IKBKE: variants seen among roughly 807,000 people sequenced by gnomAD.
IKBKE encodes the protein inhibitor of nuclear factor kappa B kinase subunit epsilon.
IKBKE carries 45 observed loss-of-function variants against 92.1 expected under a neutral mutation model. The ratio of observed to expected loss-of-function variants is 0.49; its 90% confidence interval spans 0.38 to 0.63. The LOEUF is 0.63. Among genes scored for constraint, IKBKE ranks in the 20% least tolerant of loss-of-function variants. IKBKE has a pLI of 0.00. For missense variants in IKBKE, 700 were observed against 932.8 expected (o/e 0.75, Z 3.25); for synonymous variants, 374 against 380.3 (o/e 0.98, Z 0.19).
rs2103459782 is a variant in IKBKE, at chr1:206,478,346, G to A, written c.992+7G>A. On this transcript the variant is annotated splice_region_variant and intron_variant, in intron 9 of 21. Transcript: ENST00000581977. This position sits in a 1 kb window ranked among gnomAD's most constrained non-coding sequence, Gnocchi z 4.8. The stretch of plus-strand genomic sequence containing the variant: ...ATATCCATGCCCACAACACGTAAGT[G>A]GGGGCGAGGGAGGGAAGCGGTGAGA... The A allele has an allele frequency of 6.2e-7, 1 of 1,611,500 alleles. No individual in the cohort carries two copies.
chr1:206,471,618 C>T (rs1664776587), intron 2 of IKBKE, among the ~76,000 whole-genome samples: 1 of 152,210 alleles, frequency 6.6e-6, no homozygotes, highest in Non-Finnish European at 1.5e-5. Flanking sequence ...GCCCCCAGAC[C>T]TGCTGGCTGC....
intron 17 of IKBKE, chr1:206,491,181 C>T: frequency 4.5e-6 from 2 of 449,110 alleles, no homozygotes; most frequent in South Asian, 5.2e-5. Flanking sequence ...TGAACCTTCC[C>T]TGCCTCCCCC....
intron 13 of IKBKE, among the ~76,000 whole-genome samples, chr1:206,483,317 A>G (rs1665496940): frequency 6.6e-6 from 1 of 152,230 alleles, no homozygotes; most frequent in East Asian, 1.9e-4. Context: ...ACTCGAACCC[A>G]TGTCTCCTGA....
intron 5 of IKBKE, among the ~76,000 whole-genome samples, chr1:206,475,547 G>C (rs117806886): frequency 6.6e-6 from 1 of 152,032 alleles, no homozygotes; most frequent in Non-Finnish European, 1.5e-5. Context: ...CCAGTCTGGC[G>C]AACACGGTGA....
At chr1:206,495,830 AATCACC>A (rs1666205544) in intron 21 of IKBKE, among the ~76,000 whole-genome samples, 1 of 152,204 alleles carries the variant, frequency 6.6e-6, no homozygotes, top group Admixed American at 6.5e-5. Context: ...TACACACTGG[AATCACC>A]AGGGGAGCTT....
intron 17 of IKBKE, 66 bp from the exon 18 acceptor site, chr1:206,491,572 CGGAGACTGAG>C: frequency 9.7e-7 from 1 of 1,027,532 alleles, no homozygotes; most frequent in South Asian, 1.3e-5. Context: ...CGGAGACTGA[CGGAGACTGAG>C]GGATGGTGGG....
chr1:206,493,755 C>T (rs548675898), intron 20 of IKBKE, among the ~76,000 whole-genome samples, 165 bp from the exon 21 acceptor site: 1 of 152,342 alleles, frequency 6.6e-6, no homozygotes, highest in South Asian at 2.1e-4. Context: ...TGCCACTGCA[C>T]TCCAGCCTGG....
At chr1:206,492,367 C>A (rs1553390628) in intron 18 of IKBKE, 2 of 444,958 alleles carry the variant, frequency 4.5e-6, no homozygotes, top group East Asian at 7.0e-5. Context: ...CGTGCTACCA[C>A]ATTCTGAGGC....
chr1:206,485,440 G>A lies in IKBKE; in HGVS notation c.1616+134G>A. On this transcript the variant is annotated intron_variant, in intron 15 of 21. Transcript: ENST00000581977. The surrounding 1 kb of genome is among the most constrained non-coding windows in gnomAD (Gnocchi z 5.0). ...GGCAAGGGTGCTAGGGCATGGGGGA[G>A]TAGAGGGAGATCCAGCAATAAACAA... The A allele has an allele frequency of 1.6e-6, 1 of 625,316 alleles. No individual in the cohort carries two copies. The highest frequency in any genetic ancestry group is 1.9e-5 in the South Asian group (1 of 53,154). 38.7% of individuals were successfully genotyped at this position (625,316 alleles called of 1,614,324 possible). A position where few individuals can be genotyped will look rare whatever the true frequency, so the allele number is the denominator to read the frequency against.
intron 13 of IKBKE, among the ~76,000 whole-genome samples, 156 bp from the exon 14 acceptor site, chr1:206,484,841 G>T (rs1405242361): frequency 6.6e-6 from 1 of 152,132 alleles, no homozygotes; most frequent in Non-Finnish European, 1.5e-5. Context: ...TCAGGATGGC[G>T]CCTCTGTCCC....
At position 206,474,444 on chromosome 1, in the gene IKBKE, T is replaced by C. The variant is rs1539243; in HGVS notation, c.201T>C (p.Ile67=). The change falls in exon 4 of 22, where the codon ATT becomes ATC. Residue 67 remains isoleucine, a synonymous_variant. Coordinates refer to ENST00000581977, the MANE Select transcript of IKBKE (RefSeq NM_014002.4). The part of the protein sequence containing the change: ...EVLRKLNHQN[I]VKLFAVEETG... ...TGCGGAAGCTGAACCACCAGAACATTGTCAAGCTCTTTGCGGTGGAGGAGA... is the reference window on the plus strand; with the variant it reads ...TGCGGAAGCTGAACCACCAGAACATCGTCAAGCTCTTTGCGGTGGAGGAGA... The C allele has an allele frequency of 0.85, 1,366,069 of 1,613,530 alleles. 579,415 individuals are homozygous for C. Among genetic ancestry groups the C allele is most frequent in the East Asian group, 0.96 (43,219 of 44,890 alleles).
At chr1:206,474,051 C>T (rs917336650) in intron 3 of IKBKE, among the ~76,000 whole-genome samples, 4 of 151,872 alleles carry the variant, frequency 2.6e-5, no homozygotes, top group African/African-American at 7.3e-5. Context: ...GTGTTAGCTG[C>T]CCTGTGATGA....
Position 206,478,186 on chromosome 1 carries a change from TC to T in IKBKE, c.841del (p.Leu281TrpfsTer52), listed in dbSNP as rs1665176541. ...SLGLQSQLVP[I>X]LANILEVEQA... is the part of the protein sequence containing the mutation. Reference sequence around the variant, plus strand: ...GGGCTGCAGAGCCAGCTGGTGCCCATCCTGGCCAACATCCTGGAGGTGGAGC... The same window carrying T: ...GGGCTGCAGAGCCAGCTGGTGCCCATCTGGCCAACATCCTGGAGGTGGAGC... On this transcript the variant is annotated frameshift_variant, in exon 9 of 22. Transcript: ENST00000581977. LOFTEE classifies it high-confidence loss of function. The surrounding 1 kb of genome is among the most constrained non-coding windows in gnomAD (Gnocchi z 4.8). 6.2e-7 allele frequency: 1 copy of T among 1,613,898 alleles called. No homozygotes were observed. Among genetic ancestry groups the T allele is most frequent in the African/African-American group, 1.3e-5 (1 of 74,924 alleles).
rs41299021 is a variant in IKBKE at position 206,485,845 on chromosome 1, T to G, written c.1616+539T>G. Among the ~76,000 whole-genome samples the G allele has an allele frequency of 6.3e-4, 96 of 152,196 alleles. No homozygotes were observed. The highest frequency in any genetic ancestry group is 3.4e-3 in the Middle Eastern group (1 of 294). ...GGGTTTACAACCTTTAAGGCACCAC[T>G]CTCCCTTTTAACAGACATAAAAATA... On this transcript the variant is annotated intron_variant, in intron 15 of 21. Coordinates refer to ENST00000581977, the MANE Select transcript of IKBKE (RefSeq NM_014002.4). This position sits in a 1 kb window ranked among gnomAD's most constrained non-coding sequence, Gnocchi z 5.0.
At chr1:206,472,377 C>T (rs149325788) in intron 2 of IKBKE, among the ~76,000 whole-genome samples, 54 of 152,286 alleles carry the variant, frequency 3.5e-4, no homozygotes, top group Middle Eastern at 3.4e-3. Context: ...TTGAGTTTAA[C>T]TTCTGAGGAT....
In IKBKE at chr1:206,478,839, G is replaced by A; in HGVS notation, c.993-104G>A. 1.1e-6 allele frequency: 1 copy of A among 891,314 alleles called. No homozygotes were observed. Among genetic ancestry groups the A allele is most frequent in the Admixed American group, 1.8e-5 (1 of 57,138 alleles). 55.2% of individuals were successfully genotyped at this position (891,314 alleles called of 1,614,324 possible). On this transcript the variant is annotated intron_variant, in intron 9 of 21. Coordinates refer to ENST00000581977, the MANE Select transcript of IKBKE (RefSeq NM_014002.4). The surrounding 1 kb of genome is among the most constrained non-coding windows in gnomAD (Gnocchi z 4.8). ...CCCGTCCCTCCCTCTGCAAAACAGA[G>A]CCCTGTCTATGGGCAACGCTTAGCT... is the stretch of plus-strand genomic sequence containing the variant.
chr1:206,489,550 C>G (rs1296869021), intron 16 of IKBKE, among the ~76,000 whole-genome samples: 5 of 151,804 alleles, frequency 3.3e-5, no homozygotes, highest in African/African-American at 1.2e-4. Context: ...AAAAAATAAA[C>G]AAAACTAGCT....
chr1:206,485,049 G>A lies in IKBKE; in HGVS notation c.1480G>A (p.Glu494Lys), dbSNP rs948499703. Residue 494 changes from glutamate (E) to lysine (K), a missense_variant, in exon 14 of 22, where the codon GAA becomes AAA. Coordinates refer to ENST00000581977, the MANE Select transcript of IKBKE (RefSeq NM_014002.4). This position sits in a 1 kb window ranked among gnomAD's most constrained non-coding sequence, Gnocchi z 5.0. ...PEIQELKAAA[E>K]LRSRLRTLAE... ...GATCCAGGAACTGAAGGCGGCTGCA[G>A]AACTGAGGTCCAGGCTGCGGACTGT... 1.9e-6 allele frequency: 3 copies of A among 1,614,144 alleles called. No homozygotes were observed. Among genetic ancestry groups the A allele is most frequent in the East Asian group, 2.2e-5 (1 of 44,888 alleles).
At chr1:206,492,990 CTCTAAT>C (rs1384555007) in intron 18 of IKBKE, 27 bp from the exon 19 acceptor site, 4 of 1,538,354 alleles carry the variant, frequency 2.6e-6, no homozygotes, top group Admixed American at 3.9e-5. Flanking sequence ...CTGAGTCCTG[CTCTAAT>C]TCTAAGTCTC....
Sources: gnomAD v4.1 joint callset for allele counts (sites outside exome capture counted in the v4.1 genomes callset) on GRCh38, gnomAD v4.1.1 for gene constraint, Gnocchi (gnomAD v3.1) non-coding constraint, MANE v1.5 for transcripts, NCBI Gene and HGNC (gene_info 2026-07-23, HGNC 2026-07-21) for gene names.